The following SLC25A39 variants were observed in gnomAD, a reference collection of about 807,000 sequenced individuals.
SLC25A39 encodes the protein mitochondrial glutathione transporter SLC25A39.
Under a neutral mutation model 46.6 loss-of-function variants are expected in SLC25A39, and 44 were observed. That is an observed-to-expected ratio of 0.94 (90% CI 0.74 to 1.21). SLC25A39 has a LOEUF of 1.21. Among genes scored for constraint, SLC25A39 ranks in the 50% most tolerant of loss-of-function variants. The pLI, the probability that SLC25A39 is intolerant of heterozygous loss-of-function variation, is 0.00. For missense variants in SLC25A39, 487 were observed against 473.0 expected, an observed-to-expected ratio of 1.03 and a Z score of -0.28; for synonymous variants, 218 against 190.6, an observed-to-expected ratio of 1.14 and a Z score of -1.19.
chr17:44,323,369 C>G, intron 2 of SLC25A39, 26 bp from the exon 3 acceptor site: 2 of 1,605,682 alleles, frequency 1.2e-6, no homozygotes, highest in Non-Finnish European at 8.5e-7. Flanking sequence ...GGTCTGAAGG[C>G]TCCTTTCAGG....
intron 3 of SLC25A39, among the ~76,000 whole-genome samples, chr17:44,323,057 G>A (rs1567870897): frequency 6.6e-6 from 1 of 152,152 alleles, no homozygotes; most frequent in African/African-American, 2.4e-5. Context: ...CAGGTAGCTG[G>A]GACTACAGGC....
At position 44,322,519 on chromosome 17, in the gene SLC25A39, A is replaced by G. The variant is rs1170518707; in HGVS notation, c.224T>C (p.Leu75Pro). 1 of 1,613,974 alleles carries G rather than the reference A, an allele frequency of 6.2e-7. No homozygotes were observed. The highest frequency in any genetic ancestry group is 8.5e-7 in the Non-Finnish European group (1 of 1,180,006). ...PSSLQSTGKC[L>P]LYCNGVLEPL... ...CTCCAGGACACCATTGCAATACAGGAGGCACTTCCCTGTGGATTGGAGAGA... is the reference window on the plus strand; with the variant it reads ...CTCCAGGACACCATTGCAATACAGGGGGCACTTCCCTGTGGATTGGAGAGA... Residue 75 changes from leucine (L) to proline (P), a missense_variant, in exon 5 of 12, where the codon CTC becomes CCC. Coordinates refer to ENST00000377095, the MANE Select transcript of SLC25A39 (RefSeq NM_001143780.3).
Position 44,321,139 on chromosome 17 carries a change from G to A in SLC25A39, c.610C>T (p.Arg204Ter), listed in dbSNP as rs750324385. ...VSYRELGACV[R>*]TAVAQGGWRS... The stretch of plus-strand genomic sequence containing the variant: ...CAGCCACCCTGAGCCACTGCAGTTC[G>A]AACACAGGCACCCAGCTCCCGGTAC... Residue 204 changes from arginine to a stop codon, truncating the protein, a stop_gained, in exon 8 of 12, where the codon CGA (arginine) becomes TGA (stop). Transcript: ENST00000377095. LOFTEE classifies it high-confidence loss of function. 7 of 1,612,494 alleles carry A rather than the reference G, an allele frequency of 4.3e-6. No homozygotes were observed. Among genetic ancestry groups the A allele is most frequent in the Admixed American group, 3.3e-5 (2 of 59,910 alleles).
chr17:44,324,117 T>C (rs755006675), intron 1 of SLC25A39: 1 of 159,602 alleles, frequency 6.3e-6, no homozygotes, highest in Non-Finnish European at 1.4e-5. Context: ...CGAAGGAAGC[T>C]AGGGTGCCAG....
At chr17:44,323,376 C>T (rs2048117877) in intron 2 of SLC25A39, 33 bp from the exon 3 acceptor site, 5 of 1,603,710 alleles carry the variant, frequency 3.1e-6, no homozygotes, top group Admixed American at 1.7e-5. Flanking sequence ...AGGCTCCTTT[C>T]AGGACCCCAC....
intron 6 of SLC25A39, 56 bp from the exon 7 acceptor site, chr17:44,321,614 G>C: frequency 1.9e-6 from 3 of 1,609,244 alleles, no homozygotes; most frequent in Non-Finnish European, 2.5e-6. Context: ...AACTTTTAAA[G>C]CATCACCTGC....
rs187986288 is a variant in SLC25A39, at chr17:44,321,504, C to G, written c.447G>C (p.Lys149Asn). 6.2e-7 allele frequency: 1 copy of G among 1,614,104 alleles called. No individual in the cohort carries two copies. Among genetic ancestry groups the G allele is most frequent in the Non-Finnish European group, 8.5e-7 (1 of 1,179,986 alleles). ...TCAGGGCTCGACCACACAGGAAGGC[C>G]TTCAGTTGGTCATAGGCAGTGAAGT... ...AIYFTAYDQL[K>N]AFLCGRALTS... Residue 149 changes from lysine (K) to asparagine (N), a missense_variant, in exon 7 of 12, where the codon AAG becomes AAC. Transcript: ENST00000377095.
intron 2 of SLC25A39, 39 bp downstream of exon 2, chr17:44,323,439 A>AGACCCCCCCCCCCCCCCCCCCCCCCC: frequency 3.9e-6 from 1 of 257,114 alleles, no homozygotes; most frequent in Non-Finnish European, 5.7e-6. Flanking sequence ...GGTCTGCCCC[A>AGACCCCCCCCCCCCCCCCCCCCCCCC]TCCCCACCCG....
chr17:44,323,444 CACCCGCCCCCACCCCACCT>C lies in SLC25A39; in HGVS notation c.85+15_85+33del. On this transcript the variant is annotated intron_variant, in intron 2 of 11. Coordinates refer to ENST00000377095, the MANE Select transcript of SLC25A39 (RefSeq NM_001143780.3). ...TCCAATCTCCGGTCTGCCCCATCCC[CACCCGCCCCCACCCCACCT>C]CCCCTAGGTCTTACTGAAGAGAGAG... 8 of 1,246,148 alleles carry C rather than the reference CACCCGCCCCCACCCCACCT, an allele frequency of 6.4e-6. No individual in the cohort carries two copies. In the Admixed American group the frequency reaches 1.1e-4, roughly 17 times the overall value. The allele number at this position is 1,246,148 out of a possible 1,614,324, so 77.2% of individuals were successfully genotyped here.
At chr17:44,320,860 G>A in intron 8 of SLC25A39, 129 bp from the exon 9 acceptor site, 1 of 959,272 alleles carries the variant, frequency 1.0e-6, no homozygotes, top group Admixed American at 2.5e-5. Context: ...TCAGAAGCAG[G>A]CACTCTGTAG....
chr17:44,320,012 G>A lies in SLC25A39; in HGVS notation c.1069C>T (p.Leu357=). Residue 357 remains leucine (L), a synonymous_variant, in exon 12 of 12, where the codon CTG becomes TTG. Transcript: ENST00000377095. The stretch of plus-strand genomic sequence containing the variant: ...CCTCCTTGCCCCTTTCAGCCGCCCA[G>A]AAGCCGGTCCTGGTTCAGCCTCTGG... ...FFQRLNQDRL[L]GG 1 of 1,613,946 alleles carries A rather than the reference G, an allele frequency of 6.2e-7. No individual in the cohort carries two copies. Among genetic ancestry groups the A allele is most frequent in the Non-Finnish European group, 8.5e-7 (1 of 1,180,040 alleles).
rs778226809 is a variant in SLC25A39 at position 44,321,082 on chromosome 17, C to T, written c.667G>A (p.Ala223Thr). The T allele has an allele frequency of 1.9e-6, 3 of 1,607,106 alleles. No homozygotes were observed. The East Asian group carries it at 6.7e-5, about 36-fold the overall frequency. Reference protein sequence around the residue: ...RSLWLGWGPTALRDVPFSALY... With the variant: ...RSLWLGWGPTTLRDVPFSALY... ...CCTGAGAAGGGCACATCTCGAAGGGCAGTGGGGCCCCAGCCCAGCCACAGT... is the reference window on the plus strand; with the variant it reads ...CCTGAGAAGGGCACATCTCGAAGGGTAGTGGGGCCCCAGCCCAGCCACAGT... Residue 223 changes from alanine (A) to threonine (T), a missense_variant, in exon 8 of 12, where the codon GCC (alanine) becomes ACC (threonine). Physicochemically the swap from Ala to Thr is moderately conservative, Grantham distance 58. Transcript: ENST00000377095.
chr17:44,323,439 A>AGGC, intron 2 of SLC25A39, 39 bp downstream of exon 2: 5 of 257,106 alleles, frequency 1.9e-5, no homozygotes, highest in Non-Finnish European at 2.8e-5. Context: ...GGTCTGCCCC[A>AGGC]TCCCCACCCG....
chr17:44,321,283 C>T, intron 7 of SLC25A39, 52 bp from the exon 8 acceptor site: 1 of 1,581,538 alleles, frequency 6.3e-7, no homozygotes, highest in Non-Finnish European at 8.6e-7. Context: ...ACAGGTCTTA[C>T]ATGGCATCAC....
intron 9 of SLC25A39, 40 bp downstream of exon 9, chr17:44,320,582 G>A (rs770639629): frequency 1.3e-6 from 2 of 1,597,720 alleles, no homozygotes; most frequent in South Asian, 2.2e-5. Flanking sequence ...CCCCCGCAGG[G>A]AGACCTCCGC....
rs751006071 is a variant in SLC25A39 at position 44,323,523 on chromosome 17, G to A, written c.40C>T (p.Gln14Ter). 1.9e-6 allele frequency: 3 copies of A among 1,560,334 alleles called. No homozygotes were observed. The Admixed American group carries it at 5.8e-5, about 30-fold the overall frequency. The change falls in exon 2 of 12, where the codon CAA (glutamine) becomes TAA (stop). Residue 14 changes from glutamine (Q) to a stop codon, truncating the protein, a stop_gained. Coordinates refer to ENST00000377095, the MANE Select transcript of SLC25A39 (RefSeq NM_001143780.3). LOFTEE classifies it high-confidence loss of function. ...QDPAGISPLQ[Q>*]MVASGTGAVV... The stretch of plus-strand genomic sequence containing the variant: ...GCCCCGGTGCCTGAGGCCACCATTT[G>A]CTGGAGGGGGCTGATGCCCGCAGGG...
At chr17:44,320,951 G>GC in intron 8 of SLC25A39, 107 bp downstream of exon 8, 1 of 1,340,200 alleles carries the variant, frequency 7.5e-7, no homozygotes, top group Non-Finnish European at 1.0e-6. Context: ...GCTCAGAAAA[G>GC]CTAAGTAACT....
Position 44,321,781 on chromosome 17 carries a change from C to T in SLC25A39, c.325-14G>A. The T allele has an allele frequency of 6.2e-7, 1 of 1,608,504 alleles. No homozygotes were observed. The highest frequency in any genetic ancestry group is 8.5e-7 in the Non-Finnish European group (1 of 1,176,636). ...CACGAAGGCATCCTGGCCAAGCAGGCACCAGCCCAGGGGAAGAGGAGGGAC... is the reference window on the plus strand; with the variant it reads ...CACGAAGGCATCCTGGCCAAGCAGGTACCAGCCCAGGGGAAGAGGAGGGAC... On this transcript the variant is annotated splice_polypyrimidine_tract_variant and intron_variant, in intron 5 of 11. Transcript: ENST00000377095.
At chr17:44,322,357 C>A in intron 5 of SLC25A39, 62 bp downstream of exon 5, 1 of 1,594,372 alleles carries the variant, frequency 6.3e-7, no homozygotes, top group Non-Finnish European at 8.6e-7. Context: ...GGGTCTGCTG[C>A]CCAGCCAGAC....
Sources: gnomAD v4.1 joint callset for allele counts (sites outside exome capture counted in the v4.1 genomes callset) on GRCh38, gnomAD v4.1.1 for gene constraint, MANE v1.5 for transcripts, NCBI Gene and HGNC (gene_info 2026-07-23, HGNC 2026-07-21) for gene names.